The following XRN2 variants were observed in gnomAD, a reference collection of about 807,000 sequenced individuals.
XRN2 encodes DHM1-like protein.
XRN2 carries 44 observed loss-of-function variants against 138.5 expected under a neutral mutation model. The ratio of observed to expected loss-of-function variants is 0.32; its 90% CI spans 0.25 to 0.41. XRN2 has a LOEUF of 0.41. XRN2 is among the 10% of genes least tolerant of loss of function. The pLI, the probability that XRN2 is intolerant of heterozygous loss-of-function variation, is 1.00. For missense variants in XRN2, 937 were observed against 1,169.3 expected, an observed-to-expected ratio of 0.80 and a Z score of 2.90; for synonymous variants, 354 against 369.4, an observed-to-expected ratio of 0.96 and a Z score of 0.48.
rs760906752 is a variant in XRN2, at chr20:21,332,359, G to C, written c.777G>C (p.Lys259Asn). The change falls in exon 9 of 30, where the codon AAG (lysine) becomes AAC (asparagine). Residue 259 changes from lysine to asparagine, a missense_variant. This residue lies in a region of XRN2 where 471 missense variants were observed against 581.2 expected (regional missense o/e 0.81). Coordinates refer to ENST00000377191, the MANE Select transcript of XRN2 (RefSeq NM_012255.5). ...TTAGAGAAGAATTCAAACCAAACAA[G>C]CCCAAACCATGTGGTCTTTGTAATC... ...TIIREEFKPN[K>N]PKPCGLCNQF... The C allele has an allele frequency of 8.1e-6, 13 of 1,613,560 alleles. No individual in the cohort carries two copies. Among genetic ancestry groups the C allele is most frequent in the Non-Finnish European group, 1.0e-5 (12 of 1,179,816 alleles).
intron 20 of XRN2, among the ~76,000 whole-genome samples, chr20:21,352,174 C>T (rs952687342): frequency 1.1e-4 from 17 of 152,104 alleles, no homozygotes; most frequent in African/African-American, 4.1e-4. Context: ...TTGGGAAATA[C>T]AGTTTCTTCC....
At position 21,330,521 on chromosome 20, in the gene XRN2, C is replaced by T; in HGVS notation, c.468C>T (p.Asp156=). 6.2e-7 allele frequency: 1 copy of T among 1,613,904 alleles called. No homozygotes were observed. Among genetic ancestry groups the T allele is most frequent in the Non-Finnish European group, 8.5e-7 (1 of 1,179,956 alleles). The change falls in exon 5 of 30, where the codon GAC becomes GAT. Residue 156 remains aspartate (D), a synonymous_variant. Coordinates refer to ENST00000377191, the MANE Select transcript of XRN2 (RefSeq NM_012255.5). ...CAGAAGAAATAAAAGAAAGATTTGACAGCAACTGTATTACACCAGTAAGTA... is the reference window on the plus strand; with the variant it reads ...CAGAAGAAATAAAAGAAAGATTTGATAGCAACTGTATTACACCAGTAAGTA... ...LPPEEIKERF[D]SNCITPGTEF... is the part of the protein sequence containing the mutation.
intron 28 of XRN2, 96 bp from the exon 29 acceptor site, chr20:21,386,772 G>A (rs2038940174): frequency 1.4e-6 from 2 of 1,467,528 alleles, no homozygotes; most frequent in Non-Finnish European, 1.9e-6. Context: ...AGGTAAATTG[G>A]ATTGTACTAA....
At chr20:21,359,524 CA>C (rs11480541) in intron 24 of XRN2, among the ~76,000 whole-genome samples, 490 of 129,380 alleles carry the variant, frequency 3.8e-3, no homozygotes, top group East Asian at 3.9e-3. Context: ...GACTCCATCT[CA>C]AAAAAAAAAA....
In XRN2 at chr20:21,365,688, G is replaced by A; in HGVS notation, c.2440G>A (p.Ala814Thr). 6.4e-7 allele frequency: 1 copy of A among 1,571,894 alleles called. No individual in the cohort carries two copies. Among genetic ancestry groups the A allele is most frequent in the South Asian group, 1.1e-5 (1 of 90,048 alleles). Residue 814 changes from alanine to threonine, a missense_variant, in exon 26 of 30, where the codon GCC (alanine) becomes ACC (threonine). Coordinates refer to ENST00000377191, the MANE Select transcript of XRN2 (RefSeq NM_012255.5). The part of the protein sequence containing the change: ...DRRPVHLDQA[A>T]FRTLGHVMPR... ...GAGGCCTGTGCACCTGGATCAGGCA[G>A]CCTTCAGGACTTTGGGGTGAGTTGT...
chr20:21,379,971 G>A (rs1280739832), intron 27 of XRN2, among the ~76,000 whole-genome samples: 5 of 151,976 alleles, frequency 3.3e-5, no homozygotes, highest in East Asian at 1.9e-4. Flanking sequence ...CTGTATCTTT[G>A]TATTGTCTTC....
At chr20:21,354,402 A>G (rs1304593382) in intron 20 of XRN2, among the ~76,000 whole-genome samples, 1 of 152,210 alleles carries the variant, frequency 6.6e-6, no homozygotes, top group African/African-American at 2.4e-5. Context: ...TACTAGAAAG[A>G]AGAAAGGACA....
chr20:21,326,241 G>A (rs2038126985), intron 1 of XRN2, 38 bp from the exon 2 acceptor site: 2 of 1,596,990 alleles, frequency 1.3e-6, no homozygotes, highest in Admixed American at 1.7e-5. Flanking sequence ...TTTTAGACTT[G>A]AACAATCAAA....
Position 21,331,449 on chromosome 20 carries a change from A to T in XRN2, c.577-112A>T, listed in dbSNP as rs148169956. On this transcript the variant is annotated intron_variant, in intron 6 of 29. Transcript: ENST00000377191. ...CACACACACACACACCCTTATTCAG[A>T]AAATTTTCCCGTAACACTTATCTCA... 1.7e-4 allele frequency: 154 copies of T among 886,226 alleles called. No individual in the cohort carries two copies. The African/African-American group carries it at 2.3e-3, about 13-fold the overall frequency. 54.9% of individuals were successfully genotyped at this position (886,226 alleles called of 1,614,324 possible).
chr20:21,357,680 C>T, intron 23 of XRN2, 56 bp from the exon 24 acceptor site: 3 of 1,403,072 alleles, frequency 2.1e-6, no homozygotes, highest in Non-Finnish European at 2.9e-6. Context: ...CTTATTTCCA[C>T]TTACCTAAAA....
Position 21,377,264 on chromosome 20 carries a change from CT to C in XRN2, c.2585-4716del, listed in dbSNP as rs761622310. Reference sequence around the variant, plus strand: ...CCAACATATGATTTGTCGGTTTTTTCTTTTTTTTTTTTTTGGTCAGTCTTGC... The same window carrying C: ...CCAACATATGATTTGTCGGTTTTTTCTTTTTTTTTTTTTGGTCAGTCTTGC... On this transcript the variant is annotated intron_variant, in intron 27 of 29. Coordinates refer to ENST00000377191, the MANE Select transcript of XRN2 (RefSeq NM_012255.5). 3.9e-4 allele frequency among the ~76,000 whole-genome samples: 32 copies of C among 82,784 alleles called. 1 individual carries two copies. The highest frequency in any genetic ancestry group is 1.6e-3 in the East Asian group (3 of 1,844). 54.3% of individuals were successfully genotyped at this position (82,784 alleles called of 152,430 possible).
rs1568574464 is a variant in XRN2, at chr20:21,330,530, T to C, written c.477T>C (p.Cys159=). ...EEIKERFDSN[C]ITPGTEFMDN... Reference sequence around the variant, plus strand: ...TAAAAGAAAGATTTGACAGCAACTGTATTACACCAGTAAGTAGTCTCATAC... The same window carrying C: ...TAAAAGAAAGATTTGACAGCAACTGCATTACACCAGTAAGTAGTCTCATAC... The change falls in exon 5 of 30, where the codon TGT becomes TGC. Residue 159 remains cysteine, a synonymous_variant. Coordinates refer to ENST00000377191, the MANE Select transcript of XRN2 (RefSeq NM_012255.5). 1 of 1,613,956 alleles carries C rather than the reference T, an allele frequency of 6.2e-7. No individual in the cohort carries two copies.
At position 21,356,427 on chromosome 20, in the gene XRN2, CTA is replaced by C. The variant is rs372251018; in HGVS notation, c.2119-157_2119-156del. ...TACCTTTTTATGGCTGAATAATACT[CTA>C]TGTGTACTTTTTTATCCACTTATCT... On this transcript the variant is annotated intron_variant, in intron 22 of 29. Transcript: ENST00000377191. Among the ~76,000 whole-genome samples, 165 of 152,110 alleles carry C rather than the reference CTA, an allele frequency of 1.1e-3. 1 individual carries two copies. Among genetic ancestry groups the C allele is most frequent in the African/African-American group, 3.6e-3 (150 of 41,514 alleles).
chr20:21,310,510 C>G (rs538703083), intron 1 of XRN2, among the ~76,000 whole-genome samples: 35 of 152,062 alleles, frequency 2.3e-4, no homozygotes, highest in African/African-American at 8.2e-4. Flanking sequence ...TAACATTGTT[C>G]TAGTTTTTTG....
chr20:21,364,941 C>G (rs1025412281), intron 24 of XRN2, among the ~76,000 whole-genome samples: 6 of 152,070 alleles, frequency 3.9e-5, no homozygotes, highest in Non-Finnish European at 8.8e-5. Context: ...GTCCATCCCC[C>G]CCGCACCATA....
At chr20:21,357,174 T>G (rs906329659) in intron 23 of XRN2, among the ~76,000 whole-genome samples, 11 of 152,232 alleles carry the variant, frequency 7.2e-5, no homozygotes, top group Non-Finnish European at 1.0e-4. Context: ...TTAGTCATAA[T>G]TTTTAATGGG....
chr20:21,356,036 A>G (rs767927014), intron 21 of XRN2, 44 bp from the exon 22 acceptor site: 9 of 1,500,572 alleles, frequency 6.0e-6, no homozygotes, highest in Middle Eastern at 1.8e-4. Context: ...TCTTGCAGGT[A>G]CAATTTTTTT....
intron 29 of XRN2, among the ~76,000 whole-genome samples, 180 bp from the exon 30 acceptor site, chr20:21,389,093 T>C (rs1337655736): frequency 6.6e-6 from 1 of 152,228 alleles, no homozygotes; most frequent in Non-Finnish European, 1.5e-5. Context: ...GCCTCCAACT[T>C]TGCAACAAGT....
chr20:21,357,749 C>A lies in XRN2; in HGVS notation c.2212C>A (p.Pro738Thr), dbSNP rs753203239. 6.3e-7 allele frequency: 1 copy of A among 1,597,718 alleles called. No individual in the cohort carries two copies. The highest frequency in any genetic ancestry group is 1.3e-5 in the African/African-American group (1 of 74,500). ...AILPDQIVCSPVPMLRDLTQN... is the reference protein window; with the variant it reads ...AILPDQIVCSTVPMLRDLTQN... ...GTTTCCTTCTAGAATAGTATGTTCTCCTGTTCCTATGTTAAGGGATCTGAC... is the reference window on the plus strand; with the variant it reads ...GTTTCCTTCTAGAATAGTATGTTCTACTGTTCCTATGTTAAGGGATCTGAC... The change falls in exon 24 of 30, where the codon CCT becomes ACT. Residue 738 changes from proline (P) to threonine (T), a missense_variant. Transcript: ENST00000377191.
Sources: gnomAD v4.1 joint callset for allele counts (sites outside exome capture counted in the v4.1 genomes callset) on GRCh38, gnomAD v4.1.1 for gene constraint, gnomAD v4.1.1 regional missense constraint, MANE v1.5 for transcripts, NCBI Gene and HGNC (gene_info 2026-07-23, HGNC 2026-07-21) for gene names.